NEK8: variants seen among roughly 807,000 people sequenced by gnomAD.
NEK8 encodes NIMA related kinase 8.
In NEK8, 51 loss-of-function variants were observed where a neutral mutation model predicts 77.2. The ratio of observed to expected loss-of-function variants is 0.66; its 90% confidence interval spans 0.53 to 0.83. NEK8 has a LOEUF of 0.83. Ranked by LOEUF, NEK8 falls within the 40% of genes least tolerant of loss-of-function variation. The pLI is 0.00. For missense variants in NEK8, 787 were observed against 909.2 expected (o/e 0.87, Z 1.73); for synonymous variants, 365 against 363.2 (o/e 1.00, Z -0.06).
In NEK8 at chr17:28,742,640, T is replaced by A. The variant is rs2151734717; in HGVS notation, c.*653T>A. ...TCCCCTAGCCCAGTTAGAAAATAAG[T>A]CTGGGCCGGCGGCGGTGGCTCACAC... On this transcript the variant is annotated 3_prime_UTR_variant, in exon 15 of 15. Coordinates refer to ENST00000268766, the MANE Select transcript of NEK8 (RefSeq NM_178170.3). 1 of 156,512 alleles carries A rather than the reference T, an allele frequency of 6.4e-6. No homozygotes were observed. The highest frequency in any genetic ancestry group is 1.9e-4 in the East Asian group (1 of 5,264). The allele number at this position is 156,512 out of a possible 1,614,324, so 9.7% of individuals were successfully genotyped here.
Position 28,741,026 on chromosome 17 carries a change from C to G in NEK8, c.1732+41C>G, listed in dbSNP as rs756322723. On this transcript the variant is annotated intron_variant, in intron 12 of 14. Transcript: ENST00000268766. This position sits in a 1 kb window ranked among gnomAD's most constrained non-coding sequence, Gnocchi z 4.5. ...GCTCTGGAGGTCAGAGGGGGACTCA[C>G]GGTCTCCTTGGTACCCTGTTGAAGC... 6.2e-7 allele frequency: 1 copy of G among 1,613,970 alleles called. No individual in the cohort carries two copies. Among genetic ancestry groups the G allele is most frequent in the Admixed American group, 1.7e-5 (1 of 60,012 alleles).
intron 3 of NEK8, 117 bp downstream of exon 3, chr17:28,735,121 T>C: frequency 6.5e-7 from 1 of 1,545,712 alleles, no homozygotes; most frequent in South Asian, 1.1e-5. Context: ...GTTTGGGTGG[T>C]TCTGCAGGAG....
In NEK8 at chr17:28,739,140, C is replaced by T; in HGVS notation, c.1356C>T (p.Ala452=). 6.2e-7 allele frequency: 1 copy of T among 1,614,140 alleles called. No individual in the cohort carries two copies. The highest frequency in any genetic ancestry group is 8.5e-7 in the Non-Finnish European group (1 of 1,179,966). The stretch of plus-strand genomic sequence containing the variant: ...AAATGGTGCAGGTGGCCTGTGGGGC[C>T]TCTCACGTGCTGGCCCTGTCCACTG... ...GYEMVQVACG[A]SHVLALSTER... Residue 452 remains alanine, a synonymous_variant, in exon 10 of 15, where the codon GCC becomes GCT. Transcript: ENST00000268766.
chr17:28,733,213 A>G (rs1428687047), intron 1 of NEK8, among the ~76,000 whole-genome samples: 1 of 152,120 alleles, frequency 6.6e-6, no homozygotes, highest in Admixed American at 6.6e-5. Context: ...TCTGATTTTA[A>G]TAACTGGAGG....
chr17:28,728,896 GAT>G, intron 1 of NEK8, 36 bp downstream of exon 1: 1 of 1,532,670 alleles, frequency 6.5e-7, no homozygotes, highest in Non-Finnish European at 8.9e-7. Flanking sequence ...ACTGCTAGGG[GAT>G]AGGGAAAATA....
Position 28,733,879 on chromosome 17 carries a change from T to C in NEK8, c.48-104T>C. The C allele has an allele frequency of 3.2e-6, 3 of 930,900 alleles. No individual in the cohort carries two copies. The South Asian group carries it at 4.2e-5, about 13-fold the overall frequency. 57.7% of individuals were successfully genotyped at this position (930,900 alleles called of 1,614,324 possible). A position where few individuals can be genotyped will look rare whatever the true frequency, so the allele number is the denominator to read the frequency against. ...CGCTTGGTTAGATGACCTCTCAGTC[T>C]AGAACCCTCTTCCAAGAGACATCAG... On this transcript the variant is annotated intron_variant, in intron 1 of 14. Coordinates refer to ENST00000268766, the MANE Select transcript of NEK8 (RefSeq NM_178170.3).
At chr17:28,732,501 G>A (rs72847554) in intron 1 of NEK8, among the ~76,000 whole-genome samples, 16,210 of 148,734 alleles carry the variant, frequency 0.11, 1,154 homozygotes, top group Middle Eastern at 0.16. Context: ...ATTTGCTTGT[G>A]TGAAATGGAG....
intron 8 of NEK8, 77 bp from the exon 9 acceptor site, chr17:28,738,594 C>A: frequency 7.6e-7 from 1 of 1,322,232 alleles, no homozygotes; most frequent in Non-Finnish European, 1.1e-6. Context: ...GCTGCTGCAA[C>A]CCACTGGAGG....
chr17:28,740,876 C>A lies in NEK8; in HGVS notation c.1623C>A (p.His541Gln), dbSNP rs2034413875. The A allele has an allele frequency of 6.2e-7, 1 of 1,614,038 alleles. No homozygotes were observed. The highest frequency in any genetic ancestry group is 1.3e-5 in the African/African-American group (1 of 74,944). The change falls in exon 12 of 15, where the codon CAC (histidine) becomes CAA (glutamine). Residue 541 changes from histidine (H) to glutamine (Q), a missense_variant. Transcript: ENST00000268766. The surrounding 1 kb of genome is among the most constrained non-coding windows in gnomAD (Gnocchi z 4.7). ...CCCTGGGGGAGGAGCCTGTCCCCCACCAGCAAGTGGAGGAGGCCCTGAGCT... is the reference window on the plus strand; with the variant it reads ...CCCTGGGGGAGGAGCCTGTCCCCCAACAGCAAGTGGAGGAGGCCCTGAGCT... ...HLSLGEEPVP[H>Q]QQVEEALSFT... is the part of the protein sequence containing the mutation.
At position 28,741,638 on chromosome 17, in the gene NEK8, G is replaced by T; in HGVS notation, c.2050+67G>T. The T allele has an allele frequency of 6.5e-7, 1 of 1,531,468 alleles. No individual in the cohort carries two copies. The allele number at this position is 1,531,468 out of a possible 1,614,324, so 94.9% of individuals were successfully genotyped here. On this transcript the variant is annotated intron_variant, in intron 14 of 14. Transcript: ENST00000268766. The surrounding 1 kb of genome is among the most constrained non-coding windows in gnomAD (Gnocchi z 4.5). ...GCCCCTGTCCACACTCCCATCCCCA[G>T]TGTTCACAGATGGCCACATCACCAA...
In NEK8 at chr17:28,742,166, T is replaced by C; in HGVS notation, c.*179T>C. On this transcript the variant is annotated 3_prime_UTR_variant, in exon 15 of 15. Transcript: ENST00000268766. ...TTGGATATGGAAACCTCAACCACTT[T>C]GTTCTCCTACCACCTCTTTGCCCTT... is the stretch of plus-strand genomic sequence containing the variant. The C allele has an allele frequency of 1.4e-6, 1 of 720,766 alleles. No individual in the cohort carries two copies. The highest frequency in any genetic ancestry group is 1.9e-5 in the Admixed American group (1 of 51,356). The allele number at this position is 720,766 out of a possible 1,614,324, so 44.6% of individuals were successfully genotyped here.
In NEK8 at chr17:28,743,276, C is replaced by G. The variant is rs2034448652; in HGVS notation, c.*1289C>G. On this transcript the variant is annotated 3_prime_UTR_variant, in exon 15 of 15. Transcript: ENST00000268766. ...TCCTGAGGCAGGATTTGCTAGACGTCGGCTTGCCTCTCTTCCCCAGCAGGA... is the reference window on the plus strand; with the variant it reads ...TCCTGAGGCAGGATTTGCTAGACGTGGGCTTGCCTCTCTTCCCCAGCAGGA... 6.6e-6 allele frequency: 1 copy of G among 152,108 alleles called. No homozygotes were observed. Among genetic ancestry groups the G allele is most frequent in the Non-Finnish European group, 1.5e-5 (1 of 68,082 alleles). The allele number at this position is 152,108 out of a possible 1,614,324, so 9.4% of individuals were successfully genotyped here. A position where few individuals can be genotyped will look rare whatever the true frequency, so the allele number is the denominator to read the frequency against.
intron 4 of NEK8, among the ~76,000 whole-genome samples, chr17:28,735,943 C>T (rs1034985765): frequency 1.6e-5 from 2 of 124,856 alleles, no homozygotes; most frequent in African/African-American, 6.0e-5. Context: ...CACCCCACAA[C>T]AGGCCCCGGT....
At chr17:28,734,319 A>C (rs1597805193) in intron 2 of NEK8, 131 bp downstream of exon 2, 1 of 820,590 alleles carries the variant, frequency 1.2e-6, no homozygotes, top group Non-Finnish European at 2.1e-6. Flanking sequence ...CAATTATCTG[A>C]CCCCGGCTAG....
rs771836552 is a variant in NEK8, at chr17:28,740,654, C to T, written c.1568+41C>T. 1 of 1,611,898 alleles carries T rather than the reference C, an allele frequency of 6.2e-7. No individual in the cohort carries two copies. Among genetic ancestry groups the T allele is most frequent in the South Asian group, 1.1e-5 (1 of 91,042 alleles). ...GGATGACTAACCTGCCCCTGGCTCT[C>T]CTTGGCTGCAAGTGCTCCGTCCATC... On this transcript the variant is annotated intron_variant, in intron 11 of 14. Transcript: ENST00000268766. The surrounding 1 kb of genome is among the most constrained non-coding windows in gnomAD (Gnocchi z 4.7).
Position 28,741,906 on chromosome 17 carries a change from T to C in NEK8, c.2051-53T>C. ...TGGGAGTGGGAGGTGGGTGATGATT[T>C]CTGGAGGCACTGCCCTCAGAAGCTG... On this transcript the variant is annotated intron_variant, in intron 14 of 14. Coordinates refer to ENST00000268766, the MANE Select transcript of NEK8 (RefSeq NM_178170.3). The surrounding 1 kb of genome is among the most constrained non-coding windows in gnomAD (Gnocchi z 4.5). The C allele has an allele frequency of 6.2e-7, 1 of 1,601,868 alleles. No individual in the cohort carries two copies. Among genetic ancestry groups the C allele is most frequent in the Non-Finnish European group, 8.6e-7 (1 of 1,168,812 alleles).
rs118111521 is a variant in NEK8, at chr17:28,741,976, G to T, written c.2068G>T (p.Val690Phe). 17 of 1,613,910 alleles carry T rather than the reference G, an allele frequency of 1.1e-5. No individual in the cohort carries two copies. The highest frequency in any genetic ancestry group is 1.3e-5 in the African/African-American group (1 of 74,890). ...LAVRSVTDEP[V>F]PP ...CCCTCCAGCGGTCACAGATGAGCCG[G>T]TCCCCCCCTGAGGCACCCGGATTCA... Residue 690 changes from valine to phenylalanine, a missense_variant, in exon 15 of 15, where the codon GTC (valine) becomes TTC (phenylalanine). Physicochemically the swap from Val to Phe is conservative, Grantham distance 50 (BLOSUM62 -1). This residue lies in a region of NEK8 where 516 missense variants were observed against 544.0 expected (regional missense o/e 0.95). Transcript: ENST00000268766. The surrounding 1 kb of genome is among the most constrained non-coding windows in gnomAD (Gnocchi z 4.5).
Position 28,740,786 on chromosome 17 carries a change from C to T in NEK8, c.1569-36C>T. On this transcript the variant is annotated intron_variant, in intron 11 of 14. Transcript: ENST00000268766. This position sits in a 1 kb window ranked among gnomAD's most constrained non-coding sequence, Gnocchi z 4.7. ...GTGCACCAGCTCCTGCCCAAACTGT[C>T]TGTCAGTTGGATTTGGCTTCTGGCT... 6.2e-7 allele frequency: 1 copy of T among 1,612,410 alleles called. No individual in the cohort carries two copies. Among genetic ancestry groups the T allele is most frequent in the Non-Finnish European group, 8.5e-7 (1 of 1,179,680 alleles).
At chr17:28,734,541 G>A (rs994904791) in intron 2 of NEK8, 13 of 578,684 alleles carry the variant, frequency 2.2e-5, no homozygotes, top group Admixed American at 3.1e-5. Flanking sequence ...AAAATTAGCC[G>A]GGTGTGGTGG....
Sources: gnomAD v4.1 joint callset for allele counts (sites outside exome capture counted in the v4.1 genomes callset) on GRCh38, gnomAD v4.1.1 for gene constraint, gnomAD v4.1.1 regional missense constraint, Gnocchi (gnomAD v3.1) non-coding constraint, MANE v1.5 for transcripts, NCBI Gene and HGNC (gene_info 2026-07-23, HGNC 2026-07-21) for gene names.